Variants in IDNK observed in about 807,000 individuals in gnomAD.
The protein encoded by IDNK is gluconokinase.
Under a neutral mutation model 13.0 loss-of-function variants are expected in IDNK, and 9 were observed. The ratio of observed to expected loss-of-function variants is 0.69; its 90% CI spans 0.42 to 1.21. The LOEUF (loss-of-function observed/expected upper bound fraction) is 1.21. IDNK is among the 50% of genes most tolerant of loss of function. The probability of loss-of-function intolerance (pLI) is 0.00; values close to 1 mark genes in which losing one functional copy is unlikely to be tolerated. For missense variants in IDNK, 210 were observed against 237.8 expected, an observed-to-expected ratio of 0.88 and a Z score of 0.77; for synonymous variants, 92 against 94.9, an observed-to-expected ratio of 0.97 and a Z score of 0.18.
chr9:83,633,808 C>G (rs541495668), intron 3 of IDNK, among the ~76,000 whole-genome samples: 1 of 152,218 alleles, frequency 6.6e-6, no homozygotes, highest in Non-Finnish European at 1.5e-5. Context: ...AAAGATCATA[C>G]TTCTCCTACT....
chr9:83,624,081 T>C (rs1046434771), intron 1 of IDNK, among the ~76,000 whole-genome samples: 29 of 152,218 alleles, frequency 1.9e-4, no homozygotes, highest in Non-Finnish European at 3.5e-4. Context: ...TCCAGGTAGA[T>C]GGGTTTTGCT....
Position 83,636,095 on chromosome 9 carries a change from T to A in IDNK, c.169-5453T>A, listed in dbSNP as rs996323713. Among the ~76,000 whole-genome samples, 118 of 152,288 alleles carry A rather than the reference T, an allele frequency of 7.7e-4. 2 individuals carry two copies. The highest frequency in any genetic ancestry group is 4.1e-4 in the Non-Finnish European group (28 of 68,008). ...ATTATCTTTTTCATCTCCATTAGCCTGTGAATGTAGTAGAAAAGCTTGGCT... is the reference window on the plus strand; with the variant it reads ...ATTATCTTTTTCATCTCCATTAGCCAGTGAATGTAGTAGAAAAGCTTGGCT... On this transcript the variant is annotated intron_variant, in intron 3 of 4. Transcript: ENST00000376419.
rs553890443 is a variant in IDNK, at chr9:83,643,813, T to A, written c.*33T>A. On this transcript the variant is annotated 3_prime_UTR_variant, in exon 5 of 5. Coordinates refer to ENST00000376419, the MANE Select transcript of IDNK (RefSeq NM_001001551.4). Reference sequence around the variant, plus strand: ...TTTGTATCAGTGGTCCAAACAGAACTAAGCATAAATCATTGTGCCATCCCA... The same window carrying A: ...TTTGTATCAGTGGTCCAAACAGAACAAAGCATAAATCATTGTGCCATCCCA... 2.0e-5 allele frequency: 30 copies of A among 1,488,212 alleles called. No homozygotes were observed. In the South Asian group the frequency reaches 3.3e-4, roughly 16 times the overall value. 92.2% of individuals were successfully genotyped at this position (1,488,212 alleles called of 1,614,324 possible).
chr9:83,642,937 C>A lies in IDNK; in HGVS notation c.213-492C>A, dbSNP rs144072617. Among the ~76,000 whole-genome samples the A allele has an allele frequency of 4.7e-3, 714 of 152,324 alleles. 5 individuals carry two copies. Among genetic ancestry groups the A allele is most frequent in the Middle Eastern group, 0.024 (7 of 294 alleles). Reference sequence around the variant, plus strand: ...TCTGCATTGCACCTGGCAACTCCCCCAGACACTGTAGAGTAGGAATGGGGA... The same window carrying A: ...TCTGCATTGCACCTGGCAACTCCCCAAGACACTGTAGAGTAGGAATGGGGA... On this transcript the variant is annotated intron_variant, in intron 4 of 4. Coordinates refer to ENST00000376419, the MANE Select transcript of IDNK (RefSeq NM_001001551.4).
chr9:83,640,799 C>T (rs1395671228), intron 3 of IDNK, among the ~76,000 whole-genome samples: 2 of 152,190 alleles, frequency 1.3e-5, no homozygotes, highest in African/African-American at 2.4e-5. Flanking sequence ...GAGCCGAGAT[C>T]GTGCCATTGC....
intron 3 of IDNK, among the ~76,000 whole-genome samples, chr9:83,639,400 T>TA (rs1182953783): frequency 6.6e-6 from 1 of 151,912 alleles, no homozygotes; most frequent in Admixed American, 6.6e-5. Flanking sequence ...TAGAAAAAAA[T>TA]AAATGCAGGA....
At chr9:83,623,057 A>T (rs1830741093), upstream of IDNK, 4 of 711,676 alleles carry the variant, frequency 5.6e-6, no homozygotes, top group South Asian at 1.2e-4. Context: ...GAGGGCGCAG[A>T]GGGGCACGGC....
intron 1 of IDNK, among the ~76,000 whole-genome samples, chr9:83,624,706 G>GTTT (rs60612510): frequency 1.8e-3 from 269 of 148,464 alleles, no homozygotes; most frequent in East Asian, 4.4e-3. Flanking sequence ...AGCTTCTTTT[G>GTTT]TTTTTTTTTT....
intron 1 of IDNK, among the ~76,000 whole-genome samples, chr9:83,627,682 C>T (rs1402237777): frequency 6.6e-6 from 1 of 152,094 alleles, no homozygotes; most frequent in East Asian, 1.9e-4. Flanking sequence ...GATATTGACC[C>T]ATGTCCTTTA....
rs1831311438 is a variant in IDNK, at chr9:83,641,610, T to C, written c.212+19T>C. 2 of 1,613,460 alleles carry C rather than the reference T, an allele frequency of 1.2e-6. No individual in the cohort carries two copies. The highest frequency in any genetic ancestry group is 2.2e-5 in the South Asian group (2 of 91,030). ...TACTAAGGTAAGAGACCACCAGGCC[T>C]TGGCATAAGCCAAAGCCAGCAGGTA... On this transcript the variant is annotated intron_variant, in intron 4 of 4. Coordinates refer to ENST00000376419, the MANE Select transcript of IDNK (RefSeq NM_001001551.4).
chr9:83,623,879 A>G (rs1830774368), intron 1 of IDNK, among the ~76,000 whole-genome samples: 2 of 152,320 alleles, frequency 1.3e-5, no homozygotes, highest in Admixed American at 1.3e-4. Context: ...TTCCTGTTTA[A>G]ACCAAAGTCT....
intron 3 of IDNK, among the ~76,000 whole-genome samples, chr9:83,632,373 C>G (rs1831042154): frequency 6.6e-6 from 1 of 152,024 alleles, no homozygotes; most frequent in Non-Finnish European, 1.5e-5. Context: ...CTTCGTAGAG[C>G]ATTCATTGTG....
intron 2 of IDNK, among the ~76,000 whole-genome samples, chr9:83,628,588 G>T (rs956139198): frequency 6.6e-6 from 1 of 151,674 alleles, no homozygotes; most frequent in Non-Finnish European, 1.5e-5. Flanking sequence ...GGAGGTGGAG[G>T]TTGCAGTGAG....
chr9:83,642,162 C>T (rs139452517), intron 4 of IDNK, among the ~76,000 whole-genome samples: 1 of 152,122 alleles, frequency 6.6e-6, no homozygotes, highest in Non-Finnish European at 1.5e-5. Context: ...AGGGTCCCCC[C>T]CCAACAGCAC....
intron 1 of IDNK, chr9:83,623,428 C>G (rs1348441543): frequency 3.5e-6 from 2 of 566,244 alleles, no homozygotes; most frequent in Admixed American, 7.0e-5. Context: ...GGACCGCATC[C>G]GAGCTCCGGG....
intron 1 of IDNK, among the ~76,000 whole-genome samples, chr9:83,625,638 C>T (rs1277796310): frequency 6.6e-6 from 1 of 152,198 alleles, no homozygotes; most frequent in Admixed American, 6.5e-5. Flanking sequence ...TCTTTAGTGA[C>T]TTTGTGAACC....
At chr9:83,643,183 G>T (rs926381581) in intron 4 of IDNK, among the ~76,000 whole-genome samples, 1 of 152,296 alleles carries the variant, frequency 6.6e-6, no homozygotes, top group African/African-American at 2.4e-5. Flanking sequence ...AAGTACCCTA[G>T]GTAGCCCCAC....
At chr9:83,635,724 C>T (rs1831146717) in intron 3 of IDNK, among the ~76,000 whole-genome samples, 1 of 152,158 alleles carries the variant, frequency 6.6e-6, no homozygotes, top group African/African-American at 2.4e-5. Flanking sequence ...TTTCCAAGTC[C>T]TTAGGAAAGC....
intron 1 of IDNK, chr9:83,627,872 AAAAAAAT>A (rs574595680): frequency 0.079 from 19,800 of 249,788 alleles, 1,274 homozygotes; most frequent in Non-Finnish European, 0.094. Context: ...AAAAAAAAAA[AAAAAAAT>A]TACACAACAG....
Sources: allele counts gnomAD v4.1 joint callset (sites outside exome capture counted in the v4.1 genomes callset), GRCh38; gene constraint gnomAD v4.1.1; transcripts MANE v1.5; gene names NCBI Gene and HGNC (gene_info 2026-07-23, HGNC 2026-07-21).